Variants in ITFG1 observed in about 807,000 individuals in gnomAD.
ITFG1 encodes integrin alpha FG-GAP repeat containing 1.
Under a neutral mutation model 81.8 loss-of-function variants are expected in ITFG1, and 34 were observed. The ratio of observed to expected loss-of-function variants is 0.42; its 90% confidence interval spans 0.32 to 0.55. The LOEUF is 0.55. ITFG1 is among the 20% of genes least tolerant of loss of function. The pLI, the probability that ITFG1 is intolerant of heterozygous loss-of-function variation, is 0.17. For synonymous variants in ITFG1, 285 were observed against 270.6 expected, an observed-to-expected ratio of 1.05 and a Z score of -0.52; for missense variants, 672 against 755.4, an observed-to-expected ratio of 0.89 and a Z score of 1.29.
intron 12 of ITFG1, among the ~76,000 whole-genome samples, chr16:47,249,220 C>T (rs1041358947): frequency 6.6e-6 from 1 of 152,106 alleles, no homozygotes; most frequent in Non-Finnish European, 1.5e-5. Context: ...GAGTTTGAGA[C>T]CAGCCTAGCC....
chr16:47,333,664 T>C (rs1190917364), intron 8 of ITFG1, among the ~76,000 whole-genome samples: 2 of 152,226 alleles, frequency 1.3e-5, no homozygotes, highest in East Asian at 1.9e-4. Context: ...CTGGGATTCA[T>C]ACCAAGAGCT....
At chr16:47,175,205 CTG>C (rs1965009567) in intron 14 of ITFG1, among the ~76,000 whole-genome samples, 1 of 151,966 alleles carries the variant, frequency 6.6e-6, no homozygotes, top group South Asian at 2.1e-4. Flanking sequence ...GTGCCAGAAT[CTG>C]TGGCAAGTAC....
chr16:47,363,391 T>C (rs745814316), intron 8 of ITFG1, among the ~76,000 whole-genome samples: 16 of 152,128 alleles, frequency 1.1e-4, no homozygotes, highest in Non-Finnish European at 1.9e-4. Context: ...TTTTTAGAGA[T>C]GAGGTCTCAC....
intron 14 of ITFG1, among the ~76,000 whole-genome samples, chr16:47,195,951 G>A (rs1012673604): frequency 1.3e-5 from 2 of 152,088 alleles, no homozygotes; most frequent in South Asian, 4.1e-4. Flanking sequence ...TCCCACTTAT[G>A]AGTGTATTTC....
intron 11 of ITFG1, 49 bp from the exon 12 acceptor site, chr16:47,258,789 A>T (rs1278867737): frequency 3.4e-6 from 2 of 581,496 alleles, no homozygotes; most frequent in South Asian, 6.1e-5. Context: ...TAGACCAACT[A>T]AAAAAAAAAT....
At chr16:47,278,664 G>A (rs1966422361) in intron 10 of ITFG1, among the ~76,000 whole-genome samples, 1 of 152,160 alleles carries the variant, frequency 6.6e-6, no homozygotes, top group Non-Finnish European at 1.5e-5. Context: ...AAAAAAAGTT[G>A]TGAAAGTGAT....
At chr16:47,155,936 A>AGTATTTTG (rs1282452776) in intron 17 of ITFG1, among the ~76,000 whole-genome samples, 158 bp from the exon 18 acceptor site, 3 of 152,240 alleles carry the variant, frequency 2.0e-5, no homozygotes, top group Non-Finnish European at 2.9e-5. Context: ...TTTGTAGTTT[A>AGTATTTTG]TAGTAGCTAT....
intron 6 of ITFG1, among the ~76,000 whole-genome samples, chr16:47,401,648 G>A (rs1968663150): frequency 6.6e-6 from 1 of 152,192 alleles, no homozygotes; most frequent in Non-Finnish European, 1.5e-5. Flanking sequence ...AGGTGGAGGT[G>A]ATGGACAATG....
intron 6 of ITFG1, among the ~76,000 whole-genome samples, chr16:47,382,616 T>C (rs2151592803): frequency 7.1e-6 from 1 of 141,094 alleles, no homozygotes; most frequent in East Asian, 2.4e-4. Context: ...TCCTACCCTG[T>C]CTTCCGTCGT....
At chr16:47,266,277 G>A (rs920955175) in intron 10 of ITFG1, among the ~76,000 whole-genome samples, 1 of 152,132 alleles carries the variant, frequency 6.6e-6, no homozygotes, top group Non-Finnish European at 1.5e-5. Flanking sequence ...GAGTACAGTG[G>A]CACAATCTCG....
chr16:47,169,485 A>C (rs1964933551), intron 14 of ITFG1, among the ~76,000 whole-genome samples: 1 of 151,366 alleles, frequency 6.6e-6, no homozygotes. Context: ...TTCTTTTTTA[A>C]AAATTTCTTT....
chr16:47,408,887 T>C (rs1196676771), intron 6 of ITFG1, among the ~76,000 whole-genome samples: 67 of 152,328 alleles, frequency 4.4e-4, no homozygotes, highest in Non-Finnish European at 2.9e-5. Context: ...TTATGTGATC[T>C]ATACCTGTTG....
At position 47,319,397 on chromosome 16, in the gene ITFG1, C is replaced by T. The variant is rs538937742; in HGVS notation, c.803-5574G>A. 1.7e-4 allele frequency among the ~76,000 whole-genome samples: 26 copies of T among 152,234 alleles called. No homozygotes were observed. In the South Asian group the frequency reaches 5.0e-3, roughly 29 times the overall value. ...TTTAGAGAAAATGTCCATCAACTAC[C>T]GAAGCTGGAATAACAGTAGCTTGTC... is the stretch of plus-strand genomic sequence containing the variant. On this transcript the variant is annotated intron_variant, in intron 8 of 17. Coordinates refer to ENST00000320640, the MANE Select transcript of ITFG1 (RefSeq NM_030790.5).
At chr16:47,377,451 C>G (rs1968341388) in intron 6 of ITFG1, among the ~76,000 whole-genome samples, 1 of 152,098 alleles carries the variant, frequency 6.6e-6, no homozygotes, top group African/African-American at 2.4e-5. Context: ...TGAAGGCTAC[C>G]TTACCTACCT....
At chr16:47,197,484 G>A (rs920638643) in intron 14 of ITFG1, among the ~76,000 whole-genome samples, 8 of 152,188 alleles carry the variant, frequency 5.3e-5, no homozygotes, top group Non-Finnish European at 1.2e-4. Context: ...TATCTTACAT[G>A]TATTGCTTTA....
chr16:47,333,292 G>C (rs913086557), intron 8 of ITFG1, among the ~76,000 whole-genome samples: 2 of 152,112 alleles, frequency 1.3e-5, no homozygotes, highest in Admixed American at 1.3e-4. Flanking sequence ...CAAGGAAAAA[G>C]CCAATACATG....
chr16:47,171,803 G>T (rs1964966552), intron 14 of ITFG1, among the ~76,000 whole-genome samples: 4 of 152,132 alleles, frequency 2.6e-5, no homozygotes, highest in Admixed American at 2.6e-4. Flanking sequence ...AACCATTCAT[G>T]CAAAGTAGTG....
At chr16:47,445,055 C>T (rs1350277573) in intron 5 of ITFG1, among the ~76,000 whole-genome samples, 1 of 149,096 alleles carries the variant, frequency 6.7e-6, no homozygotes, top group Non-Finnish European at 1.5e-5. Context: ...AATACATCAA[C>T]ATGGACCATG....
intron 5 of ITFG1, among the ~76,000 whole-genome samples, chr16:47,431,976 T>C (rs944909847): frequency 2.2e-4 from 33 of 152,224 alleles, no homozygotes; most frequent in African/African-American, 8.0e-4. Context: ...CTCTCTTCTC[T>C]GTTTTCCTGC....
Sources: allele counts gnomAD v4.1 joint callset (sites outside exome capture counted in the v4.1 genomes callset), GRCh38; gene constraint gnomAD v4.1.1; transcripts MANE v1.5; gene names NCBI Gene and HGNC (gene_info 2026-07-23, HGNC 2026-07-21).